The following ZBBX variants were observed in gnomAD, a reference collection of about 807,000 sequenced individuals.
ZBBX encodes zinc finger B-box domain containing, also known as zinc finger B-box domain-containing protein 1.
A neutral mutation model predicts 108.5 loss-of-function variants in ZBBX; 101 were observed. The ratio of observed to expected loss-of-function variants is 0.93; its 90% CI spans 0.79 to 1.10. The LOEUF (loss-of-function observed/expected upper bound fraction) is 1.10, where lower values mean the gene tolerates loss of function less well. Among genes scored for constraint, ZBBX ranks in the 50% least tolerant of loss-of-function variants. The pLI is 0.00. For synonymous variants in ZBBX, 356 were observed against 323.4 expected (o/e 1.10, Z -1.08); for missense variants, 1,009 against 941.4 (o/e 1.07, Z -0.94).
intron 1 of ZBBX, among the ~76,000 whole-genome samples, chr3:167,388,220 GA>G (rs999984482): frequency 7.9e-5 from 12 of 151,810 alleles, no homozygotes; most frequent in Admixed American, 7.9e-4. Context: ...AATGTTTCTA[GA>G]AGAGGAACAT....
chr3:167,400,207 T>C (rs1748379270), intron 1 of ZBBX, among the ~76,000 whole-genome samples: 1 of 152,176 alleles, frequency 6.6e-6, no homozygotes, highest in Non-Finnish European at 1.5e-5. Context: ...TTGTTTTCCT[T>C]TGGGTATATA....
chr3:167,323,238 A>C (rs112477164), intron 11 of ZBBX, among the ~76,000 whole-genome samples: 78 of 30,502 alleles, frequency 2.6e-3, no homozygotes, highest in Admixed American at 0.012. Context: ...GAGCTAAAAG[A>C]GGGGGGGGGG....
intron 17 of ZBBX, among the ~76,000 whole-genome samples, chr3:167,300,564 G>T (rs1732464842): frequency 6.6e-6 from 1 of 150,666 alleles, no homozygotes; most frequent in Non-Finnish European, 1.5e-5. Flanking sequence ...AATAAAACAA[G>T]AATGTATACC....
intron 10 of ZBBX, among the ~76,000 whole-genome samples, chr3:167,330,829 G>C (rs1282332112): frequency 7.0e-6 from 1 of 142,042 alleles, no homozygotes; most frequent in East Asian, 2.2e-4. Context: ...AGCAGAAGCA[G>C]AAGTAGAAGA....
At position 167,317,198 on chromosome 3, in the gene ZBBX, T is replaced by G. The variant is rs548469106; in HGVS notation, c.1094-93A>C. The stretch of plus-strand genomic sequence containing the variant: ...GATAGCCACCAAAAAAGAAGAGTGT[T>G]CTCATGTGTATCTACACAAAAATAC... On this transcript the variant is annotated intron_variant, in intron 13 of 21. Transcript: ENST00000675490. The G allele has an allele frequency of 1.4e-4, 117 of 837,650 alleles. No individual in the cohort carries two copies. The African/African-American group carries it at 1.6e-3, about 11-fold the overall frequency. 51.9% of individuals were successfully genotyped at this position (837,650 alleles called of 1,614,324 possible).
chr3:167,366,690 A>T, intron 5 of ZBBX: 1 of 363,332 alleles, frequency 2.8e-6, no homozygotes, highest in Non-Finnish European at 5.4e-6. Context: ...GTGTGACCTC[A>T]GAAAACAATG....
chr3:167,347,277 A>G (rs1224692606), intron 9 of ZBBX, among the ~76,000 whole-genome samples: 1 of 152,056 alleles, frequency 6.6e-6, no homozygotes, highest in East Asian at 1.9e-4. Context: ...GTACATGCAC[A>G]TGACATACAT....
chr3:167,212,444 G>A, the ZBBX span, among the ~76,000 whole-genome samples: 1 of 152,110 alleles, frequency 6.6e-6, no homozygotes, highest in South Asian at 2.1e-4. Flanking sequence ...TTGCCATCCT[G>A]GGACTAATGA....
chr3:167,266,967 G>A (rs112619480), intron 20 of ZBBX, among the ~76,000 whole-genome samples: 6 of 152,070 alleles, frequency 3.9e-5, no homozygotes, highest in South Asian at 2.1e-4. Flanking sequence ...TCAGCAACCC[G>A]GGAAAGGAAC....
At chr3:167,243,995 C>G (rs1179874793) in intron 20 of ZBBX, among the ~76,000 whole-genome samples, 1 of 151,920 alleles carries the variant, frequency 6.6e-6, no homozygotes, top group Non-Finnish European at 1.5e-5. Flanking sequence ...AGGACTTTAC[C>G]TGATCTAAAT....
chr3:167,364,428 C>T (rs1266691064), intron 6 of ZBBX, among the ~76,000 whole-genome samples: 4 of 152,106 alleles, frequency 2.6e-5, no homozygotes, highest in South Asian at 4.1e-4. Flanking sequence ...TGAACTACTT[C>T]GATTTTACTT....
At chr3:167,277,391 A>G (rs894642052) in intron 20 of ZBBX, among the ~76,000 whole-genome samples, 39 of 152,308 alleles carry the variant, frequency 2.6e-4, no homozygotes, top group African/African-American at 9.1e-4. Flanking sequence ...TCAAAATAAA[A>G]GGATAGAGGA....
exon 1 of ZBBX, among the ~76,000 whole-genome samples, chr3:167,407,808 G>A (rs747449699): frequency 7.2e-5 from 11 of 151,964 alleles, no homozygotes; most frequent in Non-Finnish European, 1.3e-4. Flanking sequence ...CAAATCTCAC[G>A]CAGTCGACTC....
At chr3:167,213,532 A>T in the ZBBX span, among the ~76,000 whole-genome samples, 1 of 152,176 alleles carries the variant, frequency 6.6e-6, no homozygotes, top group African/African-American at 2.4e-5. Context: ...ACCTCCAACA[A>T]TTATGGGGTT....
the ZBBX span, among the ~76,000 whole-genome samples, chr3:167,203,401 T>C: frequency 6.6e-6 from 1 of 152,138 alleles, no homozygotes; most frequent in Non-Finnish European, 1.5e-5. Context: ...GGTTGGGATT[T>C]CAACATATGA....
At chr3:167,355,216 A>G (rs1022159597) in intron 8 of ZBBX, among the ~76,000 whole-genome samples, 3 of 152,120 alleles carry the variant, frequency 2.0e-5, no homozygotes, top group African/African-American at 7.2e-5. Flanking sequence ...TGCCATCAAT[A>G]TATGTAAATG....
intron 19 of ZBBX, among the ~76,000 whole-genome samples, chr3:167,283,143 T>C (rs1233194725): frequency 6.6e-6 from 1 of 152,190 alleles, no homozygotes; most frequent in Non-Finnish European, 1.5e-5. Context: ...ACATTGTTCC[T>C]CTAGGACAGT....
the ZBBX span, among the ~76,000 whole-genome samples, chr3:167,185,801 T>C: frequency 6.6e-6 from 1 of 152,124 alleles, no homozygotes; most frequent in African/African-American, 2.4e-5. Flanking sequence ...GTATTTTTAA[T>C]AGAAACATAT....
At chr3:167,348,570 T>C (rs1742108406) in intron 9 of ZBBX, among the ~76,000 whole-genome samples, 1 of 151,868 alleles carries the variant, frequency 6.6e-6, no homozygotes, top group Non-Finnish European at 1.5e-5. Context: ...TGTGTATCTA[T>C]ATATATGTCA....
Sources: allele counts gnomAD v4.1 joint callset (sites outside exome capture counted in the v4.1 genomes callset), GRCh38; gene constraint gnomAD v4.1.1; transcripts MANE v1.5; gene names NCBI Gene and HGNC (gene_info 2026-07-23, HGNC 2026-07-21).